The following SEC24C variants were observed in gnomAD, a reference collection of about 807,000 sequenced individuals.
The protein encoded by SEC24C is protein transport protein Sec24C.
SEC24C carries 22 observed loss-of-function variants against 117.0 expected under a neutral mutation model. The observed-to-expected ratio is 0.19, with a 90% CI of 0.13 to 0.27. The LOEUF (loss-of-function observed/expected upper bound fraction) is 0.27, where lower values mean the gene tolerates loss of function less well. Ranked by LOEUF, SEC24C falls within the 10% of genes least tolerant of loss-of-function variation. The probability of loss-of-function intolerance (pLI) is 1.00; values close to 1 mark genes in which losing one functional copy is unlikely to be tolerated. For missense variants in SEC24C, 1,155 were observed against 1,375.1 expected (o/e 0.84, Z 2.53); for synonymous variants, 506 against 529.4 (o/e 0.96, Z 0.61).
chr10:73,770,197 C>A, intron 20 of SEC24C, 83 bp from the exon 21 acceptor site: 1 of 1,406,054 alleles, frequency 7.1e-7, no homozygotes, highest in Non-Finnish European at 9.7e-7. Context: ...GAGGACTTAG[C>A]TTTCAAAATT....
Position 73,751,147 on chromosome 10 carries a change from C to T in SEC24C, c.212C>T (p.Ala71Val). ...RAPPSSGAPPASTAQAPCGQA... is the reference protein window; with the variant it reads ...RAPPSSGAPPVSTAQAPCGQA... Reference sequence around the variant, plus strand: ...CCACCTTCCTCGGGGGCACCTCCAGCCTCAACAGCACAGGCTCCTTGTGGC... The same window carrying T: ...CCACCTTCCTCGGGGGCACCTCCAGTCTCAACAGCACAGGCTCCTTGTGGC... The change falls in exon 3 of 23, where the codon GCC becomes GTC. Residue 71 changes from alanine (A) to valine (V), a missense_variant. Ala to Val is a moderately conservative substitution (Grantham distance 64). Transcript: ENST00000345254. The T allele has an allele frequency of 6.2e-7, 1 of 1,614,228 alleles. No individual in the cohort carries two copies. Among genetic ancestry groups the T allele is most frequent in the Non-Finnish European group, 8.5e-7 (1 of 1,180,024 alleles).
chr10:73,748,530 G>C (rs2082595628), intron 2 of SEC24C, among the ~76,000 whole-genome samples: 1 of 151,628 alleles, frequency 6.6e-6, no homozygotes, highest in Non-Finnish European at 1.5e-5. Context: ...CCGCCTCCCA[G>C]GTTCAAGTGA....
At chr10:73,766,979 G>A in intron 13 of SEC24C, 75 bp from the exon 14 acceptor site, 1 of 1,398,796 alleles carries the variant, frequency 7.1e-7, no homozygotes, top group Non-Finnish European at 1.0e-6. Flanking sequence ...GTCTGACATA[G>A]CTGGTGCTTA....
rs1352276829 is a variant in SEC24C at position 73,767,896 on chromosome 10, A to G, written c.2070A>G (p.Gln690=). The G allele has an allele frequency of 6.2e-7, 1 of 1,613,730 alleles. No individual in the cohort carries two copies. Among genetic ancestry groups the G allele is most frequent in the African/African-American group, 1.3e-5 (1 of 75,002 alleles). The change falls in exon 15 of 23, where the codon CAA becomes CAG. Residue 690 remains glutamine (Q), a synonymous_variant. Transcript: ENST00000345254. ...CCCTGGCCAAAGAGTGTGTGGCCCA[A>G]GGCTGCTGTGTAGATCTCTTTCTCT... ...YQTLAKECVA[Q]GCCVDLFLFP...
intron 7 of SEC24C, 66 bp downstream of exon 7, chr10:73,763,667 C>CCTTT: frequency 1.7e-5 from 1 of 58,214 alleles, no homozygotes; most frequent in Middle Eastern, 6.4e-3. Flanking sequence ...ATGGTTGGGG[C>CCTTT]TTTTTTTTTT....
chr10:73,766,820 A>T lies in SEC24C; in HGVS notation c.1860A>T (p.Val620=). The T allele has an allele frequency of 6.2e-7, 1 of 1,614,170 alleles. No individual in the cohort carries two copies. The highest frequency in any genetic ancestry group is 1.6e-4 in the Middle Eastern group (1 of 6,062). The stretch of plus-strand genomic sequence containing the variant: ...CAAGGGAAACAGAGACAGTATTTGT[A>T]CCAGTTATCCAGGCTGGAATGGAGG... ...ADTRETETVF[V]PVIQAGMEAL... is the part of the protein sequence containing the mutation. Residue 620 remains valine, a synonymous_variant, in exon 13 of 23, where the codon GTA becomes GTT. Transcript: ENST00000345254.
intron 2 of SEC24C, among the ~76,000 whole-genome samples, chr10:73,750,195 G>A (rs537514359): frequency 6.6e-6 from 1 of 152,342 alleles, no homozygotes; most frequent in East Asian, 1.9e-4. Context: ...AGCTTTGTTA[G>A]AGGAAAACAT....
chr10:73,765,829 C>T lies in SEC24C; in HGVS notation c.1396C>T (p.His466Tyr). Residue 466 changes from histidine to tyrosine, a missense_variant, in exon 10 of 23, where the codon CAT becomes TAT. By Grantham distance (83) the His-to-Tyr change is moderately conservative. This residue lies in a region of SEC24C where 759 missense variants were observed against 992.3 expected (regional missense o/e 0.76). Transcript: ENST00000345254. The stretch of plus-strand genomic sequence containing the variant: ...CCCCCAGTATTTTCAGCACCTGGAT[C>T]ATACCGGCAAACGTGTGGATGCTTA... ...VPPQYFQHLDHTGKRVDAYDR... is the reference protein window; with the variant it reads ...VPPQYFQHLDYTGKRVDAYDR... 1 of 1,614,104 alleles carries T rather than the reference C, an allele frequency of 6.2e-7. No individual in the cohort carries two copies. The highest frequency in any genetic ancestry group is 8.5e-7 in the Non-Finnish European group (1 of 1,179,982).
At chr10:73,762,302 TACTC>T (rs2082809661) in intron 6 of SEC24C, 1 of 498,276 alleles carries the variant, frequency 2.0e-6, no homozygotes, top group Admixed American at 2.9e-5. Context: ...CCCTTCTAGA[TACTC>T]ACTTATACAA....
At chr10:73,746,754 G>C (rs2082559333) in intron 1 of SEC24C, 51 bp from the exon 2 acceptor site, 1 of 1,319,476 alleles carries the variant, frequency 7.6e-7, no homozygotes, top group Non-Finnish European at 1.0e-6. Flanking sequence ...GCCCTGAATA[G>C]TTGCTCTCTT....
Position 73,771,154 on chromosome 10 carries a change from C to A in SEC24C, c.*59C>A. 6.3e-7 allele frequency: 1 copy of A among 1,578,874 alleles called. No homozygotes were observed. Among genetic ancestry groups the A allele is most frequent in the South Asian group, 1.2e-5 (1 of 86,298 alleles). On this transcript the variant is annotated 3_prime_UTR_variant, in exon 23 of 23. Transcript: ENST00000345254. ...GCTTCCAGAAAGCACCCCAGGATGT[C>A]AGAGAAATTGGGACAGTAACATATC...
intron 8 of SEC24C, 90 bp from the exon 9 acceptor site, chr10:73,765,361 G>A (rs1012063773): frequency 8.4e-6 from 12 of 1,434,458 alleles, no homozygotes; most frequent in African/African-American, 7.0e-5. Flanking sequence ...TGCGCCATGC[G>A]CCTTCTTCCT....
At chr10:73,768,627 CTG>C (rs1565048638) in intron 15 of SEC24C, among the ~76,000 whole-genome samples, 181 bp from the exon 16 acceptor site, 1 of 152,208 alleles carries the variant, frequency 6.6e-6, no homozygotes, top group Non-Finnish European at 1.5e-5. Flanking sequence ...GTAAAGCACT[CTG>C]TGTGGTACCT....
At position 73,769,916 on chromosome 10, in the gene SEC24C, T is replaced by C; in HGVS notation, c.2763T>C (p.Ala921=). The C allele has an allele frequency of 6.2e-7, 1 of 1,614,216 alleles. No individual in the cohort carries two copies. Among genetic ancestry groups the C allele is most frequent in the South Asian group, 1.1e-5 (1 of 91,082 alleles). Residue 921 remains alanine (A), a synonymous_variant, in exon 20 of 23, where the codon GCT becomes GCC. Transcript: ENST00000345254. The surrounding 1 kb of genome is among the most constrained non-coding windows in gnomAD (Gnocchi z 4.5). ...AGAGTGATGTCCTGCAGCCTGGAGC[T>C]GAAGTCACTACTGATGACCGTGCCT... ...VLKSDVLQPG[A]EVTTDDRAYV...
intron 3 of SEC24C, among the ~76,000 whole-genome samples, chr10:73,756,095 GC>G: frequency 6.6e-6 from 1 of 152,050 alleles, no homozygotes; most frequent in Non-Finnish European, 1.5e-5. Context: ...CAGGTGAACC[GC>G]CCACCTTGGC....
chr10:73,772,094 T>G lies in SEC24C; in HGVS notation c.*999T>G. ...GATGCCCCTGCTCTGGACCTCTCATTTCTCTTCATTGGTTTATTTTTCAAT... is the reference window on the plus strand; with the variant it reads ...GATGCCCCTGCTCTGGACCTCTCATGTCTCTTCATTGGTTTATTTTTCAAT... On this transcript the variant is annotated 3_prime_UTR_variant, in exon 23 of 23. Transcript: ENST00000345254. The G allele has an allele frequency of 5.0e-6, 2 of 400,428 alleles. No individual in the cohort carries two copies. The highest frequency in any genetic ancestry group is 3.7e-5 in the East Asian group (1 of 26,760). 24.8% of individuals were successfully genotyped at this position (400,428 alleles called of 1,614,324 possible).
At chr10:73,764,128 C>A in intron 8 of SEC24C, 145 bp downstream of exon 8, 1 of 1,117,164 alleles carries the variant, frequency 9.0e-7, no homozygotes, top group Non-Finnish European at 1.2e-6. Flanking sequence ...GGCTTTCTAT[C>A]CCAGGGCCCA....
rs568573631 is a variant in SEC24C, at chr10:73,764,250, C to T, written c.1227+267C>T. Among the ~76,000 whole-genome samples, 330 of 151,920 alleles carry T rather than the reference C, an allele frequency of 2.2e-3. 1 individual carries two copies. Among genetic ancestry groups the T allele is most frequent in the African/African-American group, 7.5e-3 (311 of 41,446 alleles). Reference sequence around the variant, plus strand: ...TGAAAAGAGGTAGGGCCAGGCCAGGCGCAGTGGCTCACGCCTGTAATCCCA... The same window carrying T: ...TGAAAAGAGGTAGGGCCAGGCCAGGTGCAGTGGCTCACGCCTGTAATCCCA... On this transcript the variant is annotated intron_variant, in intron 8 of 22. Coordinates refer to ENST00000345254, the MANE Select transcript of SEC24C (RefSeq NM_198597.3).
Position 73,767,965 on chromosome 10 carries a change from C to T in SEC24C, c.2139C>T (p.Pro713=). ...YVDVATLSVV[P]QLTGGSVYKY... is the part of the protein sequence containing the mutation. ...ATGTGGCCACACTCTCTGTTGTGCC[C>T]CAGCTCACTGGTGGCTCTGTCTACA... is the stretch of plus-strand genomic sequence containing the variant. Residue 713 remains proline (P), a synonymous_variant, in exon 15 of 23, where the codon CCC becomes CCT. Transcript: ENST00000345254. The T allele has an allele frequency of 6.2e-7, 1 of 1,613,228 alleles. No individual in the cohort carries two copies. Among genetic ancestry groups the T allele is most frequent in the Non-Finnish European group, 8.5e-7 (1 of 1,179,788 alleles).
Sources: allele counts gnomAD v4.1 joint callset (sites outside exome capture counted in the v4.1 genomes callset), GRCh38; gene constraint gnomAD v4.1.1; regional missense constraint gnomAD v4.1.1; non-coding constraint Gnocchi (gnomAD v3.1); transcripts MANE v1.5; gene names NCBI Gene and HGNC (gene_info 2026-07-23, HGNC 2026-07-21).